The following PDLIM3 variants were observed in gnomAD, a reference collection of about 807,000 sequenced individuals.
PDLIM3 encodes the protein PDZ and LIM domain protein 3.
A neutral mutation model predicts 37.3 loss-of-function variants in PDLIM3; 36 were observed. That is an observed-to-expected ratio of 0.97 (90% confidence interval 0.74 to 1.28). PDLIM3 has a LOEUF of 1.28. Ranked by LOEUF, PDLIM3 falls within the 50% of genes most tolerant of loss-of-function variation. The pLI is 0.00. For missense variants in PDLIM3, 454 were observed against 485.0 expected (o/e 0.94, Z 0.60); for synonymous variants, 174 against 182.4 (o/e 0.95, Z 0.37).
At position 185,514,289 on chromosome 4, in the gene PDLIM3, CGAA is replaced by C; in HGVS notation, c.376_378del (p.Phe126del). 6.2e-7 allele frequency: 1 copy of C among 1,614,126 alleles called. No homozygotes were observed. The highest frequency in any genetic ancestry group is 8.5e-7 in the Non-Finnish European group (1 of 1,180,024). On this transcript the variant is annotated inframe_deletion, in exon 4 of 8. Transcript: ENST00000284767. This position sits in a 1 kb window ranked among gnomAD's most constrained non-coding sequence, Gnocchi z 4.0. ...TATGACCTGCTTCGGCCCGGGATCA[CGAA>C]AGGTTTGGGCCGAATATTATGCTTG...
Position 185,502,199 on chromosome 4 carries a change from A to G in PDLIM3, c.*95T>C. ...AGCCTTGACTTTAGATTTGGAGTTG[A>G]CAATCTGCACAATCCTTCTGCCCAA... On this transcript the variant is annotated 3_prime_UTR_variant, in exon 8 of 8. Transcript: ENST00000284767. 7.1e-6 allele frequency: 9 copies of G among 1,263,388 alleles called. No homozygotes were observed. The highest frequency in any genetic ancestry group is 1.0e-5 in the Non-Finnish European group (9 of 874,244). 78.3% of individuals were successfully genotyped at this position (1,263,388 alleles called of 1,614,324 possible). A position where few individuals can be genotyped will look rare whatever the true frequency, so the allele number is the denominator to read the frequency against.
In PDLIM3 at chr4:185,502,280, A is replaced by G. The variant is rs2095688244; in HGVS notation, c.*14T>C. 1 of 1,613,650 alleles carries G rather than the reference A, an allele frequency of 6.2e-7. No individual in the cohort carries two copies. The highest frequency in any genetic ancestry group is 1.3e-5 in the African/African-American group (1 of 74,754). ...GTGGGTGGGTGCGTGCGTGCGTGCC[A>G]CGCCTGCAGAGACTTAAGCTTTGGG... On this transcript the variant is annotated 3_prime_UTR_variant, in exon 8 of 8. Transcript: ENST00000284767.
chr4:185,513,425 T>A, intron 4 of PDLIM3: 1 of 938,282 alleles, frequency 1.1e-6, no homozygotes, highest in Non-Finnish European at 1.3e-6. Flanking sequence ...GTCACACATG[T>A]ATGAAAATGG....
intron 4 of PDLIM3, chr4:185,513,809 CTGAAGA>C (rs1267218391): frequency 9.5e-7 from 1 of 1,053,530 alleles, no homozygotes; most frequent in African/African-American, 1.7e-5. Flanking sequence ...AAAGGATGAT[CTGAAGA>C]TGATCAGTTT....
At chr4:185,532,075 GA>G (rs2095745526) in intron 1 of PDLIM3, among the ~76,000 whole-genome samples, 1 of 152,188 alleles carries the variant, frequency 6.6e-6, no homozygotes, top group African/African-American at 2.4e-5. Context: ...TCCAGCCTGG[GA>G]GACAGAGCGA....
At chr4:185,512,717 C>T (rs1363333639) in intron 4 of PDLIM3, 3 of 985,164 alleles carry the variant, frequency 3.0e-6, no homozygotes, top group Non-Finnish European at 1.2e-6. Flanking sequence ...CTCAGTCACA[C>T]TAACCTGAAA....
chr4:185,514,334 C>G lies in PDLIM3; in HGVS notation c.334G>C (p.Gly112Arg), dbSNP rs777447396. Residue 112 changes from glycine (G) to arginine (R), a missense_variant, in exon 4 of 8, where the codon GGG (glycine) becomes CGG (arginine). By Grantham distance (125) the Gly-to-Arg change is moderately radical. Coordinates refer to ENST00000284767, the MANE Select transcript of PDLIM3 (RefSeq NM_014476.6). This position sits in a 1 kb window ranked among gnomAD's most constrained non-coding sequence, Gnocchi z 4.0. ...KINLESEPQD[G>R]NYFEHKHNIR... ...TTATGCTTGTGTTCAAAGTAGTTCC[C>G]GTCCTGTGAAAACAAAGCGTTAAAA... 1.2e-6 allele frequency: 2 copies of G among 1,614,038 alleles called. No individual in the cohort carries two copies. Among genetic ancestry groups the G allele is most frequent in the Admixed American group, 3.3e-5 (2 of 59,992 alleles).
chr4:185,512,882 C>G (rs1237509780), intron 4 of PDLIM3: 1 of 985,206 alleles, frequency 1.0e-6, no homozygotes, highest in African/African-American at 1.7e-5. Context: ...GGAAAAGATG[C>G]AGATGAGAAC....
intron 4 of PDLIM3, among the ~76,000 whole-genome samples, chr4:185,510,909 C>G (rs999506747): frequency 6.6e-6 from 1 of 152,232 alleles, no homozygotes; most frequent in Non-Finnish European, 1.5e-5. Flanking sequence ...TTCATGGATT[C>G]CAGTCACTGT....
Position 185,508,581 on chromosome 4 carries a change from G to T in PDLIM3, c.399-19C>A. 2 of 1,612,564 alleles carry T rather than the reference G, an allele frequency of 1.2e-6. No individual in the cohort carries two copies. The highest frequency in any genetic ancestry group is 1.7e-6 in the Non-Finnish European group (2 of 1,179,034). On this transcript the variant is annotated intron_variant, in intron 4 of 7. Transcript: ENST00000284767. ...GCATCCACTGTGTTAATGGATACACGTTACACAGAGATGGCACCGGGAGCC... is the reference window on the plus strand; with the variant it reads ...GCATCCACTGTGTTAATGGATACACTTTACACAGAGATGGCACCGGGAGCC...
At chr4:185,517,347 CTTTTTTTTTTTT>C (rs11419562) in intron 3 of PDLIM3, 30 of 48,810 alleles carry the variant, frequency 6.1e-4, no homozygotes, top group African/African-American at 1.4e-3. Context: ...TGGAGCTTAG[CTTTTTTTTTTTT>C]TTTTTTTTTT....
intron 1 of PDLIM3, among the ~76,000 whole-genome samples, chr4:185,533,447 A>C (rs12332033): frequency 0.052 from 7,954 of 152,290 alleles, 695 homozygotes; most frequent in African/African-American, 0.18. Context: ...TTATTTATTC[A>C]ATAAGAATCT....
At chr4:185,523,687 T>G (rs983908660) in intron 2 of PDLIM3, among the ~76,000 whole-genome samples, 3 of 150,942 alleles carry the variant, frequency 2.0e-5, no homozygotes, top group African/African-American at 7.3e-5. Flanking sequence ...GGCAAAATCT[T>G]GACTCACTGC....
chr4:185,533,206 T>C (rs1009825817), intron 1 of PDLIM3, among the ~76,000 whole-genome samples: 6 of 152,146 alleles, frequency 3.9e-5, no homozygotes, highest in Non-Finnish European at 5.9e-5. Context: ...GAGAGTACAA[T>C]AACACACTTA....
intron 7 of PDLIM3, 127 bp from the exon 8 acceptor site, chr4:185,502,610 T>G (rs1381672863): frequency 9.6e-6 from 8 of 834,252 alleles, no homozygotes; most frequent in African/African-American, 1.7e-5. Context: ...CCTCCAGCTG[T>G]GAAAGCAGGC....
intron 5 of PDLIM3, among the ~76,000 whole-genome samples, chr4:185,507,958 C>CTATTTGTAATATGT: frequency 6.6e-6 from 1 of 151,920 alleles, no homozygotes; most frequent in South Asian, 2.1e-4. Flanking sequence ...AGTATTACAC[C>CTATTTGTAATATGT]AGATATTTGT....
At chr4:185,515,151 C>T (rs559683579) in intron 3 of PDLIM3, 92 of 256,062 alleles carry the variant, frequency 3.6e-4, no homozygotes, top group Admixed American at 2.0e-3. Flanking sequence ...CATTGCACCT[C>T]TTATCTGCCC....
rs372485189 is a variant in PDLIM3, at chr4:185,502,252, C to T, written c.*42G>A. On this transcript the variant is annotated 3_prime_UTR_variant, in exon 8 of 8. Coordinates refer to ENST00000284767, the MANE Select transcript of PDLIM3 (RefSeq NM_014476.6). The stretch of plus-strand genomic sequence containing the variant: ...CCATGAATGTCTTCTCGTGTAAGTG[C>T]GCGTGGGTGGGTGCGTGCGTGCGTG... 42 of 1,587,094 alleles carry T rather than the reference C, an allele frequency of 2.6e-5. No homozygotes were observed. In the South Asian group the frequency reaches 2.9e-4, roughly 11 times the overall value.
At chr4:185,533,972 C>T (rs1173597061) in intron 1 of PDLIM3, among the ~76,000 whole-genome samples, 2 of 152,090 alleles carry the variant, frequency 1.3e-5, no homozygotes, top group African/African-American at 2.4e-5. Flanking sequence ...GTAGATATAA[C>T]GGAAACTGTT....
Sources: gnomAD v4.1 joint callset for allele counts (sites outside exome capture counted in the v4.1 genomes callset) on GRCh38, gnomAD v4.1.1 for gene constraint, Gnocchi (gnomAD v3.1) non-coding constraint, MANE v1.5 for transcripts, NCBI Gene and HGNC (gene_info 2026-07-23, HGNC 2026-07-21) for gene names.